The following SCN10A variants were observed in gnomAD, a reference collection of about 807,000 sequenced individuals.
SCN10A encodes the protein sodium channel protein type 10 subunit alpha.
A neutral mutation model predicts 170.7 loss-of-function variants in SCN10A; 162 were observed. The ratio of observed to expected loss-of-function variants is 0.95; its 90% confidence interval spans 0.84 to 1.08. The LOEUF (loss-of-function observed/expected upper bound fraction) is 1.08, where lower values mean the gene tolerates loss of function less well. Among genes scored for constraint, SCN10A ranks in the 50% least tolerant of loss-of-function variants. The pLI, the probability that SCN10A is intolerant of heterozygous loss-of-function variation, is 0.00. For synonymous variants in SCN10A, 985 were observed against 904.6 expected (o/e 1.09, Z -1.59); for missense variants, 2,527 against 2,436.9 (o/e 1.04, Z -0.78).
Position 38,701,854 on chromosome 3 carries a change from C to A in SCN10A, c.4642G>T (p.Val1548Phe), listed in dbSNP as rs762610159. Residue 1548 changes from valine (V) to phenylalanine (F), a missense_variant, in exon 27 of 28, where the codon GTT (valine) becomes TTT (phenylalanine). Physicochemically the swap from Val to Phe is conservative, Grantham distance 50. Transcript: ENST00000449082. ...GCCCACTTACTCGCAATGGAGAGAA[C>A]CACCACAATGAAGTCAAACACATTC... is the stretch of plus-strand genomic sequence containing the variant. ...GWNVFDFIVV[V>F]LSIASLIFSA... is the part of the protein sequence containing the mutation. 2.2e-5 allele frequency: 35 copies of A among 1,608,810 alleles called. No homozygotes were observed. The highest frequency in any genetic ancestry group is 2.8e-5 in the Non-Finnish European group (33 of 1,177,286).
At position 38,782,914 on chromosome 3, in the gene SCN10A, G is replaced by A. The variant is rs80231475; in HGVS notation, c.470+6042C>T. Among the ~76,000 whole-genome samples, 456 of 152,228 alleles carry A rather than the reference G, an allele frequency of 3.0e-3. 3 individuals are homozygous for A. The highest frequency in any genetic ancestry group is 0.01 in the African/African-American group (427 of 41,572). On this transcript the variant is annotated intron_variant, in intron 4 of 27. Coordinates refer to ENST00000449082, the MANE Select transcript of SCN10A (RefSeq NM_006514.4). ...TTGCCTTAACAAAATACCATAGACTGGGTGGCTTATGCAACAGAAATTTAT... is the reference window on the plus strand; with the variant it reads ...TTGCCTTAACAAAATACCATAGACTAGGTGGCTTATGCAACAGAAATTTAT...
At chr3:38,742,629 A>T in intron 13 of SCN10A, 100 bp from the exon 14 acceptor site, 1 of 850,010 alleles carries the variant, frequency 1.2e-6, no homozygotes, top group Non-Finnish European at 2.0e-6. Context: ...AATAAGTACC[A>T]CCTCCAACAT....
chr3:38,731,379 T>C (rs1047966761), intron 15 of SCN10A, among the ~76,000 whole-genome samples: 3 of 152,206 alleles, frequency 2.0e-5, no homozygotes, highest in African/African-American at 7.2e-5. Context: ...AGAAGTAATA[T>C]GTAATGTGTA....
At position 38,697,605 on chromosome 3, in the gene SCN10A, G is replaced by A. The variant is rs754170644; in HGVS notation, c.5615C>T (p.Ala1872Val). Residue 1872 changes from alanine (A) to valine (V), a missense_variant, in exon 28 of 28, where the codon GCA becomes GTA. Coordinates refer to ENST00000449082, the MANE Select transcript of SCN10A (RefSeq NM_006514.4). ...YRSYVLHRSM[A>V]LSNTPCVPRA... The stretch of plus-strand genomic sequence containing the variant: ...GGGCACACATGGGGTGTTAGAGAGT[G>A]CCATGGAGCGGTGCAGCACATAGCT... 6.2e-7 allele frequency: 1 copy of A among 1,614,226 alleles called. No individual in the cohort carries two copies. The highest frequency in any genetic ancestry group is 2.2e-5 in the East Asian group (1 of 44,882).
chr3:38,788,681 G>A (rs557229007), intron 4 of SCN10A, among the ~76,000 whole-genome samples: 1 of 152,106 alleles, frequency 6.6e-6, no homozygotes, highest in South Asian at 2.1e-4. Flanking sequence ...TCTGGGGCTG[G>A]GACTCAGGCA....
At chr3:38,793,138 G>A (rs148785001) in intron 2 of SCN10A, among the ~76,000 whole-genome samples, 39 of 151,780 alleles carry the variant, frequency 2.6e-4, no homozygotes, top group African/African-American at 8.9e-4. Context: ...TTTAAAACAC[G>A]GGAATATACA....
At chr3:38,708,150 A>G (rs918055095) in intron 25 of SCN10A, among the ~76,000 whole-genome samples, 1 of 152,150 alleles carries the variant, frequency 6.6e-6, no homozygotes, top group Non-Finnish European at 1.5e-5. Context: ...GGAATTTGAA[A>G]GGAGATCTGA....
intron 20 of SCN10A, among the ~76,000 whole-genome samples, chr3:38,720,126 C>T (rs1475587945): frequency 6.6e-6 from 1 of 152,214 alleles, no homozygotes; most frequent in Admixed American, 6.5e-5. Flanking sequence ...TTCAACTGAA[C>T]CCACATCTTT....
intron 8 of SCN10A, 134 bp from the exon 9 acceptor site, chr3:38,757,293 TTGG>T: frequency 1.2e-4 from 96 of 831,554 alleles, no homozygotes; most frequent in South Asian, 3.7e-4. Context: ...CAGGATGATC[TTGG>T]ACACTTGGTC....
At chr3:38,723,062 C>T (rs1449313254) in intron 19 of SCN10A, among the ~76,000 whole-genome samples, 1 of 152,208 alleles carries the variant, frequency 6.6e-6, no homozygotes, top group African/African-American at 2.4e-5. Context: ...GAAGCAGATA[C>T]ATCATGGCCT....
chr3:38,803,831 T>G (rs2064389604), intron 1 of SCN10A, among the ~76,000 whole-genome samples: 1 of 152,024 alleles, frequency 6.6e-6, no homozygotes, highest in South Asian at 2.1e-4. Context: ...TACCCATTAC[T>G]TCTCTCCCTC....
intron 4 of SCN10A, among the ~76,000 whole-genome samples, chr3:38,783,630 G>A (rs189216600): frequency 3.9e-5 from 6 of 152,080 alleles, no homozygotes; most frequent in Non-Finnish European, 5.9e-5. Flanking sequence ...AGTGGTTTCC[G>A]GTTTGGGGTT....
At position 38,761,330 on chromosome 3, in the gene SCN10A, C is replaced by T. The variant is rs1306046476; in HGVS notation, c.745G>A (p.Val249Met). ...AGGCAGAAGATGGTGAGGATGGTCA[C>T]ATCAGCCAGTTTCTTCACTGAGTGA... is the stretch of plus-strand genomic sequence containing the variant. ...LIHSVKKLAD[V>M]TILTIFCLSV... The change falls in exon 7 of 28, where the codon GTG (valine) becomes ATG (methionine). Residue 249 changes from valine to methionine, a missense_variant. Val to Met is a conservative substitution (Grantham distance 21). Transcript: ENST00000449082. 4 of 1,613,872 alleles carry T rather than the reference C, an allele frequency of 2.5e-6. No individual in the cohort carries two copies. Among genetic ancestry groups the T allele is most frequent in the South Asian group, 2.2e-5 (2 of 90,994 alleles).
chr3:38,783,649 C>T (rs961045510), intron 4 of SCN10A, among the ~76,000 whole-genome samples: 3 of 151,964 alleles, frequency 2.0e-5, no homozygotes, highest in African/African-American at 7.3e-5. Context: ...TTTTTATGGG[C>T]AAATGTTCAT....
In SCN10A at chr3:38,793,986, C is replaced by T. The variant is rs747174454; in HGVS notation, c.25G>A (p.Glu9Lys). Residue 9 changes from glutamate to lysine, a missense_variant, in exon 2 of 28, where the codon GAA (glutamate) becomes AAA (lysine). By Grantham distance (56) the Glu-to-Lys change is moderately conservative. Coordinates refer to ENST00000449082, the MANE Select transcript of SCN10A (RefSeq NM_006514.4). ...GTAAAGCGACGGAAGTTGTTAGTTTCGAGGGATCCAATGGGGAATTCCATC... is the reference window on the plus strand; with the variant it reads ...GTAAAGCGACGGAAGTTGTTAGTTTTGAGGGATCCAATGGGGAATTCCATC... MEFPIGSL[E>K]TNNFRRFTPE... is the part of the protein sequence containing the mutation. The T allele has an allele frequency of 9.3e-6, 15 of 1,613,794 alleles. No individual in the cohort carries two copies. The highest frequency in any genetic ancestry group is 1.2e-5 in the Non-Finnish European group (14 of 1,179,854).
chr3:38,720,190 A>G (rs555355386), intron 20 of SCN10A, among the ~76,000 whole-genome samples: 36 of 152,348 alleles, frequency 2.4e-4, no homozygotes, highest in South Asian at 2.3e-3. Flanking sequence ...AGATTATCCA[A>G]CGTCTCTAAG....
intron 8 of SCN10A, among the ~76,000 whole-genome samples, chr3:38,759,233 G>A (rs1365609485): frequency 6.6e-6 from 1 of 152,134 alleles, no homozygotes; most frequent in African/African-American, 2.4e-5. Flanking sequence ...TCTCAGCCAT[G>A]GAGGTGGGTG....
chr3:38,755,116 T>A (rs1172073048), intron 11 of SCN10A, among the ~76,000 whole-genome samples: 1 of 152,026 alleles, frequency 6.6e-6, no homozygotes, highest in Non-Finnish European at 1.5e-5. Flanking sequence ...ATTCCCAGGC[T>A]GGATTGTGTC....
At chr3:38,805,445 T>C (rs886422452) in intron 1 of SCN10A, among the ~76,000 whole-genome samples, 31 of 152,154 alleles carry the variant, frequency 2.0e-4, no homozygotes, top group African/African-American at 7.5e-4. Context: ...TAAATGTCCC[T>C]GGTTTTGCAG....
Sources: allele counts gnomAD v4.1 joint callset (sites outside exome capture counted in the v4.1 genomes callset), GRCh38; gene constraint gnomAD v4.1.1; transcripts MANE v1.5; gene names NCBI Gene and HGNC (gene_info 2026-07-23, HGNC 2026-07-21).